ARHGEF28: variants seen among roughly 807,000 people sequenced by gnomAD.
The protein encoded by ARHGEF28 is Rho guanine nucleotide exchange factor 28, also known as 190 kDa guanine nucleotide exchange factor.
In ARHGEF28, 152 loss-of-function variants were observed where a neutral mutation model predicts 206.6. That is an observed-to-expected ratio of 0.74 (90% CI 0.64 to 0.84). ARHGEF28 has a LOEUF of 0.84. ARHGEF28 is among the 40% of genes least tolerant of loss of function. The probability of loss-of-function intolerance (pLI) is 0.00; values close to 1 mark genes in which losing one functional copy is unlikely to be tolerated. For synonymous variants in ARHGEF28, 763 were observed against 776.4 expected (o/e 0.98, Z 0.29); for missense variants, 2,028 against 2,073.2 (o/e 0.98, Z 0.42).
intron 2 of ARHGEF28, among the ~76,000 whole-genome samples, chr5:73,745,943 G>T (rs778064808): frequency 3.3e-5 from 5 of 152,054 alleles, no homozygotes; most frequent in Admixed American, 2.0e-4. Context: ...TTTTGCAATA[G>T]ACTTTTATGA....
intron 7 of ARHGEF28, among the ~76,000 whole-genome samples, chr5:73,782,831 T>G (rs1753925507): frequency 6.6e-6 from 1 of 152,226 alleles, no homozygotes; most frequent in African/African-American, 2.4e-5. Flanking sequence ...TCAAGTTTCT[T>G]ACTTCTAGCT....
chr5:73,721,189 T>C (rs930683377), intron 2 of ARHGEF28, among the ~76,000 whole-genome samples: 4 of 152,116 alleles, frequency 2.6e-5, no homozygotes, highest in African/African-American at 9.7e-5. Context: ...CTCCACCATG[T>C]ATGAGGAAGG....
chr5:73,643,814 C>CAAAAAAA (rs10655836), intron 1 of ARHGEF28, among the ~76,000 whole-genome samples: 1 of 123,050 alleles, frequency 8.1e-6, no homozygotes. Context: ...GGCCCTGTCT[C>CAAAAAAA]AAAAAAAAAA....
intron 1 of ARHGEF28, among the ~76,000 whole-genome samples, chr5:73,629,552 A>C (rs1366618693): frequency 6.6e-6 from 1 of 151,834 alleles, no homozygotes; most frequent in Non-Finnish European, 1.5e-5. Flanking sequence ...AAAATAAGTC[A>C]TGTAACTTAT....
intron 1 of ARHGEF28, among the ~76,000 whole-genome samples, chr5:73,659,898 A>AT (rs879944191): frequency 3.0e-3 from 451 of 148,958 alleles, no homozygotes; most frequent in Middle Eastern, 0.01. Context: ...TAGTAAGTCA[A>AT]TTTTTTTTTT....
intron 2 of ARHGEF28, among the ~76,000 whole-genome samples, chr5:73,697,699 A>C (rs1748307137): frequency 6.6e-6 from 1 of 152,166 alleles, no homozygotes; most frequent in African/African-American, 2.4e-5. Flanking sequence ...CCTACCTCTC[A>C]ATACAACCAC....
chr5:73,864,867 A>T lies in ARHGEF28; in HGVS notation c.2098A>T (p.Thr700Ser). The change falls in exon 17 of 36, where the codon ACC (threonine) becomes TCC (serine). Residue 700 changes from threonine (T) to serine (S), a missense_variant. By Grantham distance (58) the Thr-to-Ser change is moderately conservative. Transcript: ENST00000513042. ...KGCKDAAPAC[T>S]KKFQEKYNKN... ...TTGTAAAGATGCTGCGCCTGCATGCACCAAGGTAATTGCTCAGTGATCTGT... is the reference window on the plus strand; with the variant it reads ...TTGTAAAGATGCTGCGCCTGCATGCTCCAAGGTAATTGCTCAGTGATCTGT... 5.0e-6 allele frequency: 8 copies of T among 1,613,348 alleles called. No homozygotes were observed. The highest frequency in any genetic ancestry group is 6.8e-6 in the Non-Finnish European group (8 of 1,179,528).
intron 2 of ARHGEF28, among the ~76,000 whole-genome samples, chr5:73,729,115 A>G (rs2112346027): frequency 6.6e-6 from 1 of 152,314 alleles, no homozygotes; most frequent in Middle Eastern, 3.4e-3. Flanking sequence ...CATCGCTGTG[A>G]GGACTTGGCT....
At chr5:73,685,149 G>A (rs1036033380) in intron 2 of ARHGEF28, among the ~76,000 whole-genome samples, 13 of 152,100 alleles carry the variant, frequency 8.5e-5, no homozygotes, top group Non-Finnish European at 8.8e-5. Context: ...TCACTCATAT[G>A]AGTGGTGTGT....
intron 9 of ARHGEF28, among the ~76,000 whole-genome samples, chr5:73,800,414 T>C (rs1755061740): frequency 1.3e-5 from 2 of 152,204 alleles, no homozygotes; most frequent in Admixed American, 6.5e-5. Flanking sequence ...ATAATATGTA[T>C]TGTTGATTTT....
intron 2 of ARHGEF28, among the ~76,000 whole-genome samples, chr5:73,705,928 C>T (rs185068081): frequency 6.6e-6 from 1 of 152,268 alleles, no homozygotes; most frequent in Admixed American, 6.5e-5. Context: ...TCTGCTTAGA[C>T]CCAGGTTTCA....
In ARHGEF28 at chr5:73,871,100, C is replaced by A. The variant is rs111497245; in HGVS notation, c.2566+891C>A. Among the ~76,000 whole-genome samples the A allele has an allele frequency of 4.7e-3, 719 of 152,250 alleles. 14 individuals carry two copies. The highest frequency in any genetic ancestry group is 0.016 in the African/African-American group (670 of 41,530). On this transcript the variant is annotated intron_variant, in intron 21 of 35. Coordinates refer to ENST00000513042, the MANE Select transcript of ARHGEF28 (RefSeq NM_001177693.2). ...GCTGTCCCTCTTAGTATTTCTTAAG[C>A]AATTTATATTCTACTGTCAATTTTC...
intron 2 of ARHGEF28, among the ~76,000 whole-genome samples, chr5:73,733,335 A>T (rs1042782722): frequency 6.6e-6 from 1 of 152,262 alleles, no homozygotes; most frequent in Non-Finnish European, 1.5e-5. Context: ...CTAAAGGACT[A>T]TATTTAATTC....
intron 1 of ARHGEF28, among the ~76,000 whole-genome samples, chr5:73,660,424 G>A (rs1205268128): frequency 6.6e-6 from 1 of 152,110 alleles, no homozygotes; most frequent in Admixed American, 6.6e-5. Context: ...CGTCATCCAC[G>A]AGGGTTGGAA....
At chr5:73,683,611 G>A (rs750344) in intron 1 of ARHGEF28, among the ~76,000 whole-genome samples, 116,948 of 151,594 alleles carry the variant, frequency 0.77, 45,467 homozygotes, top group African/African-American at 0.87. Context: ...CATCTGTGCT[G>A]TTTTTAAAGG....
chr5:73,818,764 G>A (rs1347797876), intron 9 of ARHGEF28, among the ~76,000 whole-genome samples: 1 of 152,154 alleles, frequency 6.6e-6, no homozygotes, highest in Non-Finnish European at 1.5e-5. Flanking sequence ...ATTTTTGAAA[G>A]TAAATTTTTC....
At chr5:73,829,520 C>T (rs751822671) in intron 9 of ARHGEF28, among the ~76,000 whole-genome samples, 1 of 152,168 alleles carries the variant, frequency 6.6e-6, no homozygotes, top group Non-Finnish European at 1.5e-5. Flanking sequence ...GCTGGGACTA[C>T]AGGCGTGTGC....
chr5:73,852,643 C>T lies in ARHGEF28; in HGVS notation c.1748-7C>T, dbSNP rs148127614. On this transcript the variant is annotated splice_region_variant and splice_polypyrimidine_tract_variant and intron_variant, in intron 13 of 35. Transcript: ENST00000513042. ...TAGTTTTCATTTTATTGTTCTGTGT[C>T]TTGTAGAGCAAAGAGCTTACAGCTT... 1.1e-5 allele frequency: 18 copies of T among 1,613,420 alleles called. No individual in the cohort carries two copies. In the African/African-American group the frequency reaches 1.5e-4, roughly 13 times the overall value.
chr5:73,864,833 G>A lies in ARHGEF28; in HGVS notation c.2064G>A (p.Val688=), dbSNP rs1759608756. Reference sequence around the variant, plus strand: ...TTATTTCAGACTGTAATGCAAATGTGCACAAAGGTTGTAAAGATGCTGCGC... The same window carrying A: ...TTATTTCAGACTGTAATGCAAATGTACACAAAGGTTGTAAAGATGCTGCGC... ...SLQCSNCNAN[V]HKGCKDAAPA... is the part of the protein sequence containing the mutation. Residue 688 remains valine, a synonymous_variant, in exon 17 of 36, where the codon GTG becomes GTA. Coordinates refer to ENST00000513042, the MANE Select transcript of ARHGEF28 (RefSeq NM_001177693.2). 1.2e-6 allele frequency: 2 copies of A among 1,612,986 alleles called. No individual in the cohort carries two copies. Among genetic ancestry groups the A allele is most frequent in the Non-Finnish European group, 8.5e-7 (1 of 1,179,344 alleles).
Sources: gnomAD v4.1 joint callset for allele counts (sites outside exome capture counted in the v4.1 genomes callset) on GRCh38, gnomAD v4.1.1 for gene constraint, MANE v1.5 for transcripts, NCBI Gene and HGNC (gene_info 2026-07-23, HGNC 2026-07-21) for gene names.